The following SGCD variants were observed in gnomAD, a reference collection of about 807,000 sequenced individuals.
The protein encoded by SGCD is sarcoglycan delta, also known as delta-sarcoglycan.
SGCD carries 18 observed loss-of-function variants against 36.6 expected under a neutral mutation model. That is an observed-to-expected ratio of 0.49 (90% CI 0.34 to 0.73). The LOEUF (loss-of-function observed/expected upper bound fraction) is 0.73. Ranked by LOEUF, SGCD falls within the 30% of genes least tolerant of loss-of-function variation. The pLI, the probability that SGCD is intolerant of heterozygous loss-of-function variation, is 0.01. For synonymous variants in SGCD, 133 were observed against 130.6 expected, an observed-to-expected ratio of 1.02 and a Z score of -0.12; for missense variants, 387 against 346.7, an observed-to-expected ratio of 1.12 and a Z score of -0.92.
At chr5:156,703,870 G>A (rs963170426) in intron 7 of SGCD, among the ~76,000 whole-genome samples, 22 of 152,132 alleles carry the variant, frequency 1.4e-4, no homozygotes, top group African/African-American at 5.3e-4. Flanking sequence ...CTGCTTTTGT[G>A]GCTCAGTGTG....
chr5:155,867,025 T>G (rs1755536972), upstream of SGCD, among the ~76,000 whole-genome samples: 1 of 151,992 alleles, frequency 6.6e-6, no homozygotes, highest in South Asian at 2.1e-4. Flanking sequence ...CAGAATGAAG[T>G]GGAGTCTCCA....
chr5:155,814,851 A>T, the SGCD span, among the ~76,000 whole-genome samples: 2 of 152,226 alleles, frequency 1.3e-5, no homozygotes, highest in African/African-American at 4.8e-5. Flanking sequence ...ACAAAAGTCA[A>T]AACAGAATGA....
At chr5:156,128,700 C>T (rs1762239661) in intron 3 of SGCD, among the ~76,000 whole-genome samples, 2 of 152,170 alleles carry the variant, frequency 1.3e-5, no homozygotes, top group African/African-American at 4.8e-5. Context: ...CAGTTCCCCT[C>T]TCCCTCTCTC....
At chr5:156,751,832 G>A (rs1181794827) in intron 7 of SGCD, among the ~76,000 whole-genome samples, 2 of 152,224 alleles carry the variant, frequency 1.3e-5, no homozygotes, top group East Asian at 3.8e-4. Context: ...TAGTGGGAAA[G>A]TCAGTTGGAG....
chr5:156,196,677 C>A (rs2127635014), intron 3 of SGCD, among the ~76,000 whole-genome samples: 1 of 152,154 alleles, frequency 6.6e-6, no homozygotes, highest in African/African-American at 2.4e-5. Flanking sequence ...CTTAAGCCAC[C>A]CAGCACTTGT....
chr5:156,170,491 G>T (rs959631970), intron 3 of SGCD, among the ~76,000 whole-genome samples: 2 of 152,156 alleles, frequency 1.3e-5, no homozygotes, highest in Non-Finnish European at 2.9e-5. Flanking sequence ...TATACCAGGG[G>T]TGAAAGAATG....
chr5:155,995,164 G>A (rs1345818180), intron 1 of SGCD, among the ~76,000 whole-genome samples: 1 of 152,104 alleles, frequency 6.6e-6, no homozygotes, highest in Non-Finnish European at 1.5e-5. Flanking sequence ...ACTCAGATGA[G>A]GGAGAATGCT....
At chr5:155,869,118 T>C (rs539904854), upstream of SGCD, among the ~76,000 whole-genome samples, 1 of 152,328 alleles carries the variant, frequency 6.6e-6, no homozygotes, top group African/African-American at 2.4e-5. Flanking sequence ...TATATTATGA[T>C]GGATTATTCC....
chr5:156,087,662 C>T (rs1036255955), intron 1 of SGCD, among the ~76,000 whole-genome samples: 2 of 138,712 alleles, frequency 1.4e-5, no homozygotes, highest in Admixed American at 1.4e-4. Context: ...AAAAAAAAAA[C>T]TAGTTCCTTC....
At chr5:156,541,524 A>G (rs1223292209) in intron 4 of SGCD, among the ~76,000 whole-genome samples, 1 of 152,148 alleles carries the variant, frequency 6.6e-6, no homozygotes, top group African/African-American at 2.4e-5. Flanking sequence ...GGAACAAGGA[A>G]ACCAAGGGAA....
intron 1 of SGCD, among the ~76,000 whole-genome samples, chr5:156,009,102 G>A (rs1435074398): frequency 6.6e-6 from 1 of 152,132 alleles, no homozygotes; most frequent in African/African-American, 2.4e-5. Context: ...CAGTCCCACT[G>A]CCAGGTTACT....
chr5:156,152,285 C>T (rs1762851681), intron 3 of SGCD, among the ~76,000 whole-genome samples: 1 of 151,502 alleles, frequency 6.6e-6, no homozygotes, highest in African/African-American at 2.4e-5. Context: ...TCTTTATAGT[C>T]CTGACTATTT....
At chr5:156,344,702 T>G (rs751053590) in intron 3 of SGCD, 25 bp downstream of exon 3, 8 of 1,561,538 alleles carry the variant, frequency 5.1e-6, no homozygotes, top group Non-Finnish European at 7.0e-6. Flanking sequence ...CTAGGTTTGT[T>G]TAGCTTTCTT....
chr5:156,127,790 A>C (rs1762211679), intron 3 of SGCD, among the ~76,000 whole-genome samples: 1 of 145,404 alleles, frequency 6.9e-6, no homozygotes, highest in Non-Finnish European at 1.5e-5. Context: ...AAAGAAGCTT[A>C]ATTTCTACCT....
intron 4 of SGCD, among the ~76,000 whole-genome samples, chr5:156,521,319 A>C (rs992733031): frequency 2.0e-5 from 3 of 152,198 alleles, no homozygotes; most frequent in Non-Finnish European, 4.4e-5. Flanking sequence ...GAAAATGCCA[A>C]AAGCAATTGC....
At chr5:156,624,925 G>T (rs889094115) in intron 6 of SGCD, among the ~76,000 whole-genome samples, 1 of 152,166 alleles carries the variant, frequency 6.6e-6, no homozygotes, top group South Asian at 2.1e-4. Flanking sequence ...CTGCATGGTA[G>T]CATTAGTTAC....
At position 156,335,205 on chromosome 5, in the gene SGCD, C is replaced by G. The variant is rs140202098; in HGVS notation, c.3+5626C>G. Among the ~76,000 whole-genome samples, 382 of 152,308 alleles carry G rather than the reference C, an allele frequency of 2.5e-3. 1 individual carries two copies. The highest frequency in any genetic ancestry group is 8.4e-3 in the African/African-American group (348 of 41,572). ...GCACCTCAACTAGTACCTCATACAT[C>G]TGCATCTCTAGGATGGAAAGAATTG... On this transcript the variant is annotated intron_variant, in intron 2 of 8. Transcript: ENST00000337851.
At chr5:156,152,113 T>A (rs1052717727) in intron 3 of SGCD, among the ~76,000 whole-genome samples, 1 of 151,554 alleles carries the variant, frequency 6.6e-6, no homozygotes, top group African/African-American at 2.4e-5. Flanking sequence ...TACCCCTTTA[T>A]AATGTTGAAT....
chr5:156,494,335 A>ATTT (rs11295916), intron 3 of SGCD, among the ~76,000 whole-genome samples: 25 of 136,300 alleles, frequency 1.8e-4, no homozygotes, highest in African/African-American at 5.7e-4. Context: ...ATCCCCTCCT[A>ATTT]TTTTTTTTTT....
Sources: gnomAD v4.1 joint callset for allele counts (sites outside exome capture counted in the v4.1 genomes callset) on GRCh38, gnomAD v4.1.1 for gene constraint, MANE v1.5 for transcripts, NCBI Gene and HGNC (gene_info 2026-07-23, HGNC 2026-07-21) for gene names.